Variants in CHN2 observed in about 807,000 individuals in gnomAD.
The protein encoded by CHN2 is chimerin 2, also known as beta-chimaerin.
In CHN2, 35 loss-of-function variants were observed where a neutral mutation model predicts 56.3. That is an observed-to-expected ratio of 0.62 (90% CI 0.47 to 0.82). The LOEUF is 0.82. Ranked by LOEUF, CHN2 falls within the 40% of genes least tolerant of loss-of-function variation. CHN2 has a pLI of 0.00. For missense variants in CHN2, 491 were observed against 580.5 expected, an observed-to-expected ratio of 0.85 and a Z score of 1.58; for synonymous variants, 210 against 212.8, an observed-to-expected ratio of 0.99 and a Z score of 0.12.
chr7:29,439,485 C>T (rs1018782870), intron 6 of CHN2, among the ~76,000 whole-genome samples: 8 of 152,164 alleles, frequency 5.3e-5, no homozygotes, highest in African/African-American at 1.9e-4. Flanking sequence ...TCCATTCTTG[C>T]GTTTTCTTGT....
At chr7:29,455,447 TCACCCAGCTGC>T (rs1469483781) in intron 6 of CHN2, among the ~76,000 whole-genome samples, 1 of 152,004 alleles carries the variant, frequency 6.6e-6, no homozygotes, top group African/African-American at 2.4e-5. Context: ...GTGCCCAGAG[TCACCCAGCTGC>T]CACCCAGGTG....
At chr7:29,147,258 TATCAG>T in intron 2 of CHN2, 1 of 346,998 alleles carries the variant, frequency 2.9e-6, no homozygotes, top group African/African-American at 2.1e-5. Flanking sequence ...GGGTCATCAT[TATCAG>T]CAACAGCAGC....
At chr7:29,385,752 ATGTT>A (rs1036040647) in intron 3 of CHN2, among the ~76,000 whole-genome samples, 5 of 152,304 alleles carry the variant, frequency 3.3e-5, no homozygotes, top group Non-Finnish European at 7.4e-5. Context: ...AAAATATTTT[ATGTT>A]TGTTTGCTCT....
upstream of CHN2, among the ~76,000 whole-genome samples, chr7:29,190,087 C>T (rs1025668164): frequency 3.3e-5 from 5 of 152,358 alleles, no homozygotes; most frequent in South Asian, 2.1e-4. Context: ...TTTCTCAGCT[C>T]CTGCCCCTAG....
intron 6 of CHN2, among the ~76,000 whole-genome samples, chr7:29,414,824 A>G (rs1182827382): frequency 1.3e-5 from 2 of 152,070 alleles, no homozygotes; most frequent in South Asian, 2.1e-4. Context: ...GTTCTTTGCA[A>G]TGTCCCTCCC....
intron 2 of CHN2, among the ~76,000 whole-genome samples, chr7:29,165,806 G>A (rs1357369033): frequency 1.3e-5 from 2 of 152,104 alleles, no homozygotes; most frequent in African/African-American, 4.8e-5. Flanking sequence ...ACCATATGGT[G>A]TTTCTTTTTA....
chr7:29,352,350 C>T, intron 1 of CHN2, among the ~76,000 whole-genome samples: 1 of 149,976 alleles, frequency 6.7e-6, no homozygotes, highest in South Asian at 2.1e-4. Context: ...TGCAGTCTGT[C>T]GTGTGTGTGT....
chr7:29,304,114 G>A (rs567662243), intron 1 of CHN2, among the ~76,000 whole-genome samples: 1 of 151,968 alleles, frequency 6.6e-6, no homozygotes, highest in Non-Finnish European at 1.5e-5. Flanking sequence ...GAATAGGTCA[G>A]GGTCACTGGG....
In CHN2 at chr7:29,255,897, G is replaced by GCAGTTCATT. The variant is rs1789036027; in HGVS notation, c.49+60907_49+60908insCAGTTCATT. Among the ~76,000 whole-genome samples, 38 of 152,270 alleles carry GCAGTTCATT rather than the reference G, an allele frequency of 2.5e-4. 1 individual carries two copies. The South Asian group carries it at 7.7e-3, about 31-fold the overall frequency. ...TGCAGTATGCAAAAACCATTATCTAGAAACTGATTCAGTTTAATGCTATTA... is the reference window on the plus strand; with the variant it reads ...TGCAGTATGCAAAAACCATTATCTAGCAGTTCATTAAACTGATTCAGTTTAATGCTATTA... On this transcript the variant is annotated intron_variant, in intron 1 of 12. Transcript: ENST00000222792.
intron 1 of CHN2, among the ~76,000 whole-genome samples, chr7:29,218,137 C>T (rs988726173): frequency 1.3e-5 from 2 of 152,118 alleles, no homozygotes; most frequent in African/African-American, 2.4e-5. Flanking sequence ...CTAAAGGGCC[C>T]TGGGTGATGT....
rs575293913 is a variant in CHN2, at chr7:29,183,667, A to C, written c.274+36707A>C. On this transcript the variant is annotated intron_variant, in intron 2 of 6. Transcript: ENST00000439384. ...ACTAGGATTACAGGTGTGAGCCACC[A>C]CACCTGGCCCAGAATTTTTTAAGTG... 4.6e-5 allele frequency among the ~76,000 whole-genome samples: 7 copies of C among 152,218 alleles called. No homozygotes were observed. The South Asian group carries it at 1.5e-3, about 32-fold the overall frequency.
At chr7:29,425,153 A>G (rs1230184933) in intron 6 of CHN2, among the ~76,000 whole-genome samples, 1 of 152,246 alleles carries the variant, frequency 6.6e-6, no homozygotes, top group Non-Finnish European at 1.5e-5. Context: ...TAGCAATGAT[A>G]GGATGAAAGA....
intron 2 of CHN2, among the ~76,000 whole-genome samples, chr7:29,186,257 A>C (rs1466219509): frequency 6.6e-6 from 1 of 152,052 alleles, no homozygotes; most frequent in African/African-American, 2.4e-5. Context: ...TTTAGGCAAA[A>C]AAAAAATGAC....
intron 12 of CHN2, among the ~76,000 whole-genome samples, chr7:29,512,174 C>T (rs1197229046): frequency 7.0e-6 from 1 of 143,192 alleles, no homozygotes; most frequent in South Asian, 2.3e-4. Flanking sequence ...CAGGAAGCCA[C>T]AAGAGGGAAA....
At chr7:29,258,284 C>A (rs1789241549) in intron 1 of CHN2, among the ~76,000 whole-genome samples, 1 of 152,106 alleles carries the variant, frequency 6.6e-6, no homozygotes, top group African/African-American at 2.4e-5. Flanking sequence ...CTTTATATAG[C>A]CTAAGTCTTA....
At chr7:29,167,811 C>T (rs1306053992) in intron 2 of CHN2, among the ~76,000 whole-genome samples, 1 of 152,192 alleles carries the variant, frequency 6.6e-6, no homozygotes, top group Non-Finnish European at 1.5e-5. Flanking sequence ...TTCCTAAATC[C>T]TTGTTATGAG....
intron 3 of CHN2, among the ~76,000 whole-genome samples, chr7:29,382,414 T>C (rs1800586157): frequency 6.6e-6 from 1 of 152,186 alleles, no homozygotes; most frequent in Non-Finnish European, 1.5e-5. Flanking sequence ...ACAAGTTTTG[T>C]CCCGTAGCTT....
intron 1 of CHN2, among the ~76,000 whole-genome samples, chr7:29,278,706 T>C (rs1412264010): frequency 2.0e-5 from 3 of 152,202 alleles, no homozygotes; most frequent in African/African-American, 7.2e-5. Context: ...TGATGGCCTC[T>C]ATTTTGCCGA....
intron 3 of CHN2, among the ~76,000 whole-genome samples, chr7:29,369,042 A>G (rs984279200): frequency 6.6e-6 from 1 of 152,328 alleles, no homozygotes; most frequent in Middle Eastern, 3.4e-3. Context: ...AATATATTCA[A>G]TAATATGTTA....
Sources: allele counts gnomAD v4.1 joint callset (sites outside exome capture counted in the v4.1 genomes callset), GRCh38; gene constraint gnomAD v4.1.1; transcripts MANE v1.5; gene names NCBI Gene and HGNC (gene_info 2026-07-23, HGNC 2026-07-21).